The following FAAP20 variants were observed in gnomAD, a reference collection of about 807,000 sequenced individuals.
The protein encoded by FAAP20 is FA core complex associated protein 20.
Under a neutral mutation model 16.2 loss-of-function variants are expected in FAAP20, and 12 were observed. The ratio of observed to expected loss-of-function variants is 0.74; its 90% CI spans 0.48 to 1.20. FAAP20 has a LOEUF of 1.20. FAAP20 is among the 50% of genes most tolerant of loss of function. The probability of loss-of-function intolerance (pLI) is 0.00; values close to 1 mark genes in which losing one functional copy is unlikely to be tolerated. For synonymous variants in FAAP20, 141 were observed against 110.7 expected (o/e 1.27, Z -1.72); for missense variants, 288 against 245.8 (o/e 1.17, Z -1.15).
chr1:2,208,399 C>T (rs542299152), downstream of FAAP20, among the ~76,000 whole-genome samples: 1 of 152,332 alleles, frequency 6.6e-6, no homozygotes, highest in South Asian at 2.1e-4. Context: ...GATTGCAATC[C>T]AAACTTGTTG....
upstream of FAAP20, chr1:2,199,293 G>A (rs1469399524): frequency 6.6e-6 from 7 of 1,061,982 alleles, no homozygotes; most frequent in Admixed American, 1.6e-4. This position sits in a 1 kb window ranked among gnomAD's most constrained non-coding sequence, Gnocchi z 4.5. Flanking sequence ...CCATCCCCAC[G>A]TGTCGGGCTC....
At chr1:2,204,945 C>G (rs1234597541) in intron 3 of FAAP20, among the ~76,000 whole-genome samples, 2 of 124,476 alleles carry the variant, frequency 1.6e-5, no homozygotes, top group African/African-American at 6.1e-5. Context: ...CATACCCCGC[C>G]CCTCAAGCCC....
At chr1:2,188,143 A>G (rs1000777650), downstream of FAAP20, among the ~76,000 whole-genome samples, 1 of 152,114 alleles carries the variant, frequency 6.6e-6, no homozygotes, top group African/African-American at 2.4e-5. Flanking sequence ...CTCAGCCACC[A>G]CAAACGGGGG....
chr1:2,185,994 G>A (rs987656246), downstream of FAAP20: 4 of 397,232 alleles, frequency 1.0e-5, no homozygotes, highest in East Asian at 7.7e-5. Context: ...CGCGCTCTCC[G>A]TCCACCCACC....
chr1:2,194,677 C>G lies in FAAP20; in HGVS notation c.62+11G>C, dbSNP rs1273933887. 1 of 1,149,916 alleles carries G rather than the reference C, an allele frequency of 8.7e-7. No homozygotes were observed. Among genetic ancestry groups the G allele is most frequent in the Non-Finnish European group, 1.1e-6 (1 of 936,618 alleles). The allele number at this position is 1,149,916 out of a possible 1,614,324, so 71.2% of individuals were successfully genotyped here. The stretch of plus-strand genomic sequence containing the variant: ...AAACCGGCCGCGCCCCCGCCCGGCT[C>G]CCGGCCTCACCCGCCCGCCGGGCGC... On this transcript the variant is annotated intron_variant, in intron 1 of 3. Coordinates refer to ENST00000378546, the MANE Select transcript of FAAP20 (RefSeq NM_182533.4).
chr1:2,188,379 C>G (rs544727259), downstream of FAAP20, among the ~76,000 whole-genome samples: 36 of 152,338 alleles, frequency 2.4e-4, no homozygotes, highest in African/African-American at 8.2e-4. Context: ...AATGATGAGG[C>G]CCTGGAGCCC....
chr1:2,205,526 T>C (rs1294237339), intron 3 of FAAP20, among the ~76,000 whole-genome samples: 6 of 151,896 alleles, frequency 4.0e-5, no homozygotes, highest in Admixed American at 6.5e-5. Flanking sequence ...GGGGCGGCCG[T>C]GCAAGAGGCG....
downstream of FAAP20, among the ~76,000 whole-genome samples, chr1:2,209,749 G>A (rs530822379): frequency 5.3e-5 from 8 of 152,186 alleles, no homozygotes; most frequent in Non-Finnish European, 1.2e-4. Flanking sequence ...TGGGCCACTC[G>A]TCCAGGAACT....
At chr1:2,194,577 G>T in intron 1 of FAAP20, 111 bp downstream of exon 1, 1 of 480,816 alleles carries the variant, frequency 2.1e-6, no homozygotes, top group South Asian at 9.0e-5. Flanking sequence ...CCGGGCCCGG[G>T]GGCAGGGAGC....
upstream of FAAP20, chr1:2,199,217 C>A (rs752575528): frequency 7.7e-4 from 895 of 1,164,768 alleles, 1 homozygote; most frequent in Non-Finnish European, 9.0e-4. The surrounding 1 kb of genome is among the most constrained non-coding windows in gnomAD (Gnocchi z 4.5). Context: ...GGCCAGCCGC[C>A]CTCTCTCAAA....
At chr1:2,190,667 T>G (rs962567236) in intron 3 of FAAP20, 2 of 341,496 alleles carry the variant, frequency 5.9e-6, no homozygotes, top group African/African-American at 4.3e-5. Flanking sequence ...AGTGGGCGGC[T>G]TCAGCCTAGA....
chr1:2,211,429 A>AT (rs1689440845), downstream of FAAP20, among the ~76,000 whole-genome samples: 2 of 18,866 alleles, frequency 1.1e-4, no homozygotes, highest in Non-Finnish European at 1.6e-4. Context: ...ATATATATAT[A>AT]TATATATTTT....
chr1:2,185,264 T>C (rs1557768120), downstream of FAAP20: 1 of 715,380 alleles, frequency 1.4e-6, no homozygotes, highest in Non-Finnish European at 2.6e-6. Context: ...GCGGGGACCC[T>C]GCCGAGGGGG....
upstream of FAAP20, chr1:2,199,292 C>T (rs932588378): frequency 4.7e-6 from 5 of 1,065,518 alleles, no homozygotes; most frequent in South Asian, 2.5e-5. This position sits in a 1 kb window ranked among gnomAD's most constrained non-coding sequence, Gnocchi z 4.5. Flanking sequence ...TCCATCCCCA[C>T]GTGTCGGGCT....
intron 1 of FAAP20, 25 bp downstream of exon 1, chr1:2,194,663 G>GC: frequency 1.8e-6 from 2 of 1,106,082 alleles, no homozygotes. Context: ...AACCGGCCGC[G>GC]CCCCCGCCCG....
chr1:2,209,409 C>T (rs1167829650), downstream of FAAP20, among the ~76,000 whole-genome samples: 1 of 152,236 alleles, frequency 6.6e-6, no homozygotes, highest in Non-Finnish European at 1.5e-5. Flanking sequence ...TATGCTCTCC[C>T]AAGGAAGCTG....
In FAAP20 at chr1:2,189,660, G is replaced by A; in HGVS notation, c.*49C>T. On this transcript the variant is annotated 3_prime_UTR_variant, in exon 4 of 4. Coordinates refer to ENST00000378546, the MANE Select transcript of FAAP20 (RefSeq NM_182533.4). ...GCCGAGAGGCGGGGCTGCTGGCGGG[G>A]GAGAGCGTGTCCGGGCGCCGCACTC... 6.6e-7 allele frequency: 1 copy of A among 1,509,444 alleles called. No individual in the cohort carries two copies. Among genetic ancestry groups the A allele is most frequent in the Middle Eastern group, 1.8e-4 (1 of 5,704 alleles). 93.5% of individuals were successfully genotyped at this position (1,509,444 alleles called of 1,614,324 possible).
chr1:2,198,548 C>G (rs563701544), upstream of FAAP20: 5 of 674,818 alleles, frequency 7.4e-6, no homozygotes, highest in African/African-American at 9.5e-5. Context: ...GCGCTGACAC[C>G]CTGCAAATCA....
At chr1:2,189,411 C>T (rs1332940545), downstream of FAAP20, 2 of 475,428 alleles carry the variant, frequency 4.2e-6, no homozygotes, top group African/African-American at 3.9e-5. Context: ...AAACGAGCTA[C>T]CCTCAGCCCG....
Sources: allele counts gnomAD v4.1 joint callset (sites outside exome capture counted in the v4.1 genomes callset), GRCh38; gene constraint gnomAD v4.1.1; non-coding constraint Gnocchi (gnomAD v3.1); transcripts MANE v1.5; gene names NCBI Gene and HGNC (gene_info 2026-07-23, HGNC 2026-07-21).